IQCK: variants seen among roughly 807,000 people sequenced by gnomAD.
IQCK encodes the protein IQ domain-containing protein K.
In IQCK, 29 loss-of-function variants were observed where a neutral mutation model predicts 28.1. The ratio of observed to expected loss-of-function variants is 1.03; its 90% CI spans 0.77 to 1.41. The LOEUF is 1.41. Among genes scored for constraint, IQCK ranks in the 40% most tolerant of loss-of-function variants. IQCK has a pLI of 0.00. For missense variants in IQCK, 359 were observed against 314.7 expected (o/e 1.14, Z -1.07); for synonymous variants, 113 against 115.1 (o/e 0.98, Z 0.12).
chr16:19,732,822 T>C (rs1977883378), intron 2 of IQCK, among the ~76,000 whole-genome samples: 1 of 152,178 alleles, frequency 6.6e-6, no homozygotes, highest in South Asian at 2.1e-4. Flanking sequence ...GTTCTACTCC[T>C]TTTCAGGCTG....
chr16:19,836,532 T>G (rs893065081), intron 9 of IQCK, among the ~76,000 whole-genome samples: 5 of 152,238 alleles, frequency 3.3e-5, no homozygotes, highest in African/African-American at 1.2e-4. Flanking sequence ...TATTGAAGTT[T>G]ATGCGAATGA....
intron 9 of IQCK, among the ~76,000 whole-genome samples, chr16:19,855,442 G>A (rs1036068597): frequency 6.6e-6 from 1 of 152,132 alleles, no homozygotes; most frequent in Non-Finnish European, 1.5e-5. Flanking sequence ...AATACAAAAA[G>A]TAGCAGGGCG....
chr16:19,785,300 G>A (rs2055547444), intron 6 of IQCK, among the ~76,000 whole-genome samples: 2 of 152,176 alleles, frequency 1.3e-5, no homozygotes, highest in Admixed American at 6.5e-5. Context: ...CCTCTGTACA[G>A]GGTGCCCCTG....
intron 7 of IQCK, among the ~76,000 whole-genome samples, chr16:19,817,546 G>A (rs1378573626): frequency 6.6e-6 from 1 of 152,112 alleles, no homozygotes; most frequent in East Asian, 1.9e-4. Flanking sequence ...GCAAAATCAC[G>A]CTAAACTGGT....
At chr16:19,841,435 A>C (rs1656383468) in intron 9 of IQCK, among the ~76,000 whole-genome samples, 3 of 152,176 alleles carry the variant, frequency 2.0e-5, no homozygotes. Flanking sequence ...GCAGCTAATA[A>C]TAGTAGAAAG....
chr16:19,749,386 A>G (rs975945350), intron 4 of IQCK, among the ~76,000 whole-genome samples: 16 of 152,120 alleles, frequency 1.1e-4, no homozygotes, highest in South Asian at 2.1e-4. Flanking sequence ...TCCTCTACCT[A>G]TTATCTGTAA....
chr16:19,754,972 T>G (rs1001504904), intron 4 of IQCK, among the ~76,000 whole-genome samples: 2 of 152,226 alleles, frequency 1.3e-5, no homozygotes, highest in African/African-American at 4.8e-5. Context: ...GTGCATTTTT[T>G]GAACTTCTTT....
intron 4 of IQCK, among the ~76,000 whole-genome samples, chr16:19,752,384 T>C (rs766180079): frequency 6.6e-6 from 1 of 152,210 alleles, no homozygotes; most frequent in African/African-American, 2.4e-5. Context: ...AGGCTTATAT[T>C]GTTAGCAGTA....
chr16:19,768,931 C>T (rs1288956115), intron 6 of IQCK, among the ~76,000 whole-genome samples: 12 of 152,044 alleles, frequency 7.9e-5, no homozygotes, highest in African/African-American at 2.4e-4. Context: ...GCTGGGTGGT[C>T]GTGGTTCAGA....
chr16:19,785,820 G>A (rs1438620931), intron 6 of IQCK, among the ~76,000 whole-genome samples: 3 of 152,130 alleles, frequency 2.0e-5, no homozygotes, highest in African/African-American at 4.8e-5. Context: ...GCTTGGGTCC[G>A]CTCCCACACT....
Position 19,847,159 on chromosome 16 carries a change from A to G in IQCK, c.803-9328A>G, listed in dbSNP as rs185083308. Among the ~76,000 whole-genome samples, 4 of 152,330 alleles carry G rather than the reference A, an allele frequency of 2.6e-5. No homozygotes were observed. In the East Asian group the frequency reaches 7.7e-4, roughly 29 times the overall value. ...GAGAATTGTATGAGATAATTAAGGT[A>G]GGTAAAGCCCTGAGCCTAGTGTCCA... On this transcript the variant is annotated intron_variant, in intron 9 of 9. Transcript: ENST00000320394.
At chr16:19,818,948 T>C (rs916301587) in intron 7 of IQCK, among the ~76,000 whole-genome samples, 1 of 152,098 alleles carries the variant, frequency 6.6e-6, no homozygotes, top group Non-Finnish European at 1.5e-5. Flanking sequence ...TGGGGTGGCA[T>C]TGGATCAATT....
intron 7 of IQCK, among the ~76,000 whole-genome samples, chr16:19,815,667 T>C (rs1168487505): frequency 6.6e-6 from 1 of 152,168 alleles, no homozygotes; most frequent in Non-Finnish European, 1.5e-5. Context: ...CAAGATCCTG[T>C]CTCAAAAACC....
At chr16:19,762,721 A>G (rs543003323) in intron 4 of IQCK, among the ~76,000 whole-genome samples, 42 of 152,274 alleles carry the variant, frequency 2.8e-4, no homozygotes, top group African/African-American at 9.9e-4. Context: ...TCAAAAATCC[A>G]CTTATAACTT....
In IQCK at chr16:19,785,780, A is replaced by G. The variant is rs2055554164; in HGVS notation, c.606-3058A>G. The stretch of plus-strand genomic sequence containing the variant: ...CTTCTAGGGGGTATTTGGACCCAAG[A>G]AGATTCTGTATCCTGGCTCTTGAGC... On this transcript the variant is annotated intron_variant, in intron 6 of 7. Transcript: ENST00000564186. Among the ~76,000 whole-genome samples, 3 of 152,186 alleles carry G rather than the reference A, an allele frequency of 2.0e-5. No homozygotes were observed. In the South Asian group the frequency reaches 6.2e-4, roughly 32 times the overall value.
chr16:19,842,036 G>A (rs186560533), intron 9 of IQCK, among the ~76,000 whole-genome samples: 1 of 152,160 alleles, frequency 6.6e-6, no homozygotes, highest in African/African-American at 2.4e-5. Context: ...AGTAGAGACA[G>A]GGTTTCACCA....
intron 7 of IQCK, among the ~76,000 whole-genome samples, chr16:19,813,909 A>G (rs975413354): frequency 1.3e-5 from 2 of 152,160 alleles, no homozygotes; most frequent in Non-Finnish European, 2.9e-5. Flanking sequence ...TTATTACATT[A>G]TAACAACACA....
chr16:19,756,117 G>T (rs1303214682), intron 4 of IQCK, among the ~76,000 whole-genome samples: 1 of 152,204 alleles, frequency 6.6e-6, no homozygotes, highest in African/African-American at 2.4e-5. Context: ...CTGGGAAGTT[G>T]AGGCTGCAGT....
intron 4 of IQCK, among the ~76,000 whole-genome samples, chr16:19,741,084 C>G (rs1490700096): frequency 6.6e-6 from 1 of 152,046 alleles, no homozygotes; most frequent in Non-Finnish European, 1.5e-5. Flanking sequence ...TGAGGCCAGA[C>G]CCCAGGGCAC....
Sources: allele counts gnomAD v4.1 joint callset (sites outside exome capture counted in the v4.1 genomes callset), GRCh38; gene constraint gnomAD v4.1.1; transcripts MANE v1.5; gene names NCBI Gene and HGNC (gene_info 2026-07-23, HGNC 2026-07-21).